The following HNRNPUL1 variants were observed in gnomAD, a reference collection of about 807,000 sequenced individuals.
HNRNPUL1 encodes heterogeneous nuclear ribonucleoprotein U like 1, also known as heterogeneous nuclear ribonucleoprotein U-like protein 1.
In HNRNPUL1, 14 loss-of-function variants were observed where a neutral mutation model predicts 108.5. The observed-to-expected ratio is 0.13, with a 90% CI of 0.09 to 0.20. The LOEUF (loss-of-function observed/expected upper bound fraction) is 0.20. Ranked by LOEUF, HNRNPUL1 falls within the 10% of genes least tolerant of loss-of-function variation. The probability of loss-of-function intolerance (pLI) is 1.00; values close to 1 mark genes in which losing one functional copy is unlikely to be tolerated. For synonymous variants in HNRNPUL1, 422 were observed against 445.2 expected (o/e 0.95, Z 0.66); for missense variants, 804 against 1,168.3 (o/e 0.69, Z 4.55).
rs966282143 is a variant in HNRNPUL1 at position 41,264,408 on chromosome 19, C to A, written c.-96C>A. 9 of 1,081,916 alleles carry A rather than the reference C, an allele frequency of 8.3e-6. No homozygotes were observed. Among genetic ancestry groups the A allele is most frequent in the African/African-American group, 3.3e-5 (2 of 60,942 alleles). 67.0% of individuals were successfully genotyped at this position (1,081,916 alleles called of 1,614,324 possible). A position where few individuals can be genotyped will look rare whatever the true frequency, so the allele number is the denominator to read the frequency against. On this transcript the variant is annotated 5_prime_UTR_variant, in exon 1 of 15. Coordinates refer to ENST00000392006, the MANE Select transcript of HNRNPUL1 (RefSeq NM_007040.6). ...CTGCCGCCATTGGAGTGGGCCCCCC[C>A]CCTTTCCCCCTTCGCCTCCTGACAG...
Position 41,304,148 on chromosome 19 carries a change from T to C in HNRNPUL1, c.2149T>C (p.Tyr717His). Reference protein sequence around the residue: ...PPQQPPPPPSYSPARNPPGAS... With the variant: ...PPQQPPPPPSHSPARNPPGAS... ...CCAGCAGCCACCGCCACCACCCAGC[T>C]ACAGCCCTGCTCGGAACCCCCCAGG... Residue 717 changes from tyrosine (Y) to histidine (H), a missense_variant, in exon 13 of 15, where the codon TAC becomes CAC. Physicochemically the swap from Tyr to His is moderately conservative, Grantham distance 83 (BLOSUM62 2). Around this residue, in one of 4 missense-constraint regions of HNRNPUL1, gnomAD observed 294 missense variants for 388.3 expected, o/e 0.76. Transcript: ENST00000392006. 1 of 1,614,034 alleles carries C rather than the reference T, an allele frequency of 6.2e-7. No homozygotes were observed. Among genetic ancestry groups the C allele is most frequent in the Non-Finnish European group, 8.5e-7 (1 of 1,179,998 alleles).
At chr19:41,301,349 A>G (rs2037199891) in intron 10 of HNRNPUL1, among the ~76,000 whole-genome samples, 187 bp from the exon 11 acceptor site, 1 of 152,188 alleles carries the variant, frequency 6.6e-6, no homozygotes, top group Non-Finnish European at 1.5e-5. Context: ...CCACTTACCT[A>G]AGTCAATTCA....
In HNRNPUL1 at chr19:41,292,405, C is replaced by T. The variant is rs1238487981; in HGVS notation, c.1160C>T (p.Ala387Val). The change falls in exon 8 of 15, where the codon GCA becomes GTA. Residue 387 changes from alanine to valine, a missense_variant. By Grantham distance (64) the Ala-to-Val change is moderately conservative. Transcript: ENST00000392006. This position sits in a 1 kb window ranked among gnomAD's most constrained non-coding sequence, Gnocchi z 4.1. Reference protein sequence around the residue: ...CAVEFNFGQRAEPYCSVLPGF... With the variant: ...CAVEFNFGQRVEPYCSVLPGF... ...GTGGAGTTCAACTTCGGACAGAGAG[C>T]AGAGCCCTACTGTTCTGTCCTCCCG... 1.2e-6 allele frequency: 2 copies of T among 1,614,078 alleles called. No homozygotes were observed. Among genetic ancestry groups the T allele is most frequent in the Non-Finnish European group, 1.7e-6 (2 of 1,180,040 alleles).
At chr19:41,305,892 T>G in intron 14 of HNRNPUL1, 25 bp downstream of exon 14, 1 of 1,468,724 alleles carries the variant, frequency 6.8e-7, no homozygotes, top group Non-Finnish European at 9.4e-7. Context: ...GGGGGCCAAC[T>G]GGATGGAGAG....
intron 13 of HNRNPUL1, among the ~76,000 whole-genome samples, chr19:41,305,215 T>G (rs926702421): frequency 2.0e-5 from 3 of 152,176 alleles, no homozygotes; most frequent in Non-Finnish European, 2.9e-5. Flanking sequence ...GATGTAATGA[T>G]CCAACCTGTA....
chr19:41,300,310 C>T (rs372862320), intron 10 of HNRNPUL1, among the ~76,000 whole-genome samples: 1 of 148,860 alleles, frequency 6.7e-6, no homozygotes, highest in African/African-American at 2.5e-5. Context: ...CAGGCCACAT[C>T]TTCAGAATAC....
In HNRNPUL1 at chr19:41,264,720, G is replaced by A; in HGVS notation, c.217G>A (p.Glu73Lys). Residue 73 changes from glutamate (E) to lysine (K), a missense_variant, in exon 1 of 15, where the codon GAG becomes AAG. By Grantham distance (56) the Glu-to-Lys change is moderately conservative. Transcript: ENST00000392006. ...CGAGACCGAGGGGGGCTCCGAGCTG[G>A]AGGGGACCGCGCAGCCACCGCCGCC... Reference protein sequence around the residue: ...EVETEGGSELEGTAQPPPPGL... With the variant: ...EVETEGGSELKGTAQPPPPGL... 6.8e-7 allele frequency: 1 copy of A among 1,467,226 alleles called. No homozygotes were observed. The highest frequency in any genetic ancestry group is 2.2e-4 in the Middle Eastern group (1 of 4,510). The allele number at this position is 1,467,226 out of a possible 1,614,324, so 90.9% of individuals were successfully genotyped here.
chr19:41,292,303 G>A lies in HNRNPUL1; in HGVS notation c.1058G>A (p.Gly353Asp). The change falls in exon 8 of 15, where the codon GGC becomes GAC. Residue 353 changes from glycine (G) to aspartate (D), a missense_variant. Gly to Asp is a moderately conservative substitution (Grantham distance 94). Transcript: ENST00000392006. The surrounding 1 kb of genome is among the most constrained non-coding windows in gnomAD (Gnocchi z 4.1). ...LSFTKNGKWM[G>D]IAFRIQKEAL... ...TTTACCAAGAATGGAAAGTGGATGG[G>A]CATTGCTTTCCGAATCCAGAAGGAA... 1 of 1,614,140 alleles carries A rather than the reference G, an allele frequency of 6.2e-7. No homozygotes were observed. Among genetic ancestry groups the A allele is most frequent in the Non-Finnish European group, 8.5e-7 (1 of 1,179,980 alleles).
intron 7 of HNRNPUL1, among the ~76,000 whole-genome samples, chr19:41,288,850 A>G (rs1184225222): frequency 6.6e-6 from 1 of 151,918 alleles, no homozygotes. Flanking sequence ...ATCTTTTTGT[A>G]GCCCCACATA....
intron 12 of HNRNPUL1, 130 bp from the exon 13 acceptor site, chr19:41,303,842 T>G: frequency 1.8e-6 from 2 of 1,127,750 alleles, no homozygotes; most frequent in Non-Finnish European, 2.5e-6. Context: ...AGGACATGCT[T>G]TGTTGTTCAC....
chr19:41,296,576 G>C (rs547691155), intron 10 of HNRNPUL1, among the ~76,000 whole-genome samples: 2 of 152,356 alleles, frequency 1.3e-5, no homozygotes, highest in South Asian at 4.1e-4. Context: ...GGTTTCACCT[G>C]TTTTGGCCTA....
At chr19:41,262,616 T>G (rs2034577477), upstream of HNRNPUL1, 1 of 152,280 alleles carries the variant, frequency 6.6e-6, no homozygotes, top group African/African-American at 2.4e-5. Flanking sequence ...GTGGGTGCTG[T>G]GTGTTTGGGT....
rs777002894 is a variant in HNRNPUL1, at chr19:41,302,800, G to A, written c.1823G>A (p.Arg608His). 7.5e-6 allele frequency: 12 copies of A among 1,609,758 alleles called. No homozygotes were observed. The highest frequency in any genetic ancestry group is 6.7e-5 in the East Asian group (3 of 44,798). ...GRKAGPPPEK[R>H]FDNRGGGGFR... ...AAGGCTGGGCCACCCCCTGAAAAGC[G>A]CTTTGACAACCGAGGTGGTGGTGGC... The change falls in exon 12 of 15, where the codon CGC (arginine) becomes CAC (histidine). Residue 608 changes from arginine (R) to histidine (H), a missense_variant. Around this residue, in one of 4 missense-constraint regions of HNRNPUL1, gnomAD observed 294 missense variants for 388.3 expected, o/e 0.76. Transcript: ENST00000392006.
chr19:41,289,612 G>A (rs1317188049), intron 7 of HNRNPUL1, among the ~76,000 whole-genome samples: 1 of 152,076 alleles, frequency 6.6e-6, no homozygotes, highest in Non-Finnish European at 1.5e-5. Context: ...TGGGTTGGTT[G>A]AGGGCGCCGG....
At chr19:41,291,994 C>CA (rs397965810) in intron 7 of HNRNPUL1, 27,426 of 231,996 alleles carry the variant, frequency 0.12, 203 homozygotes, top group Middle Eastern at 0.14. Context: ...AAAAAAAAAA[C>CA]AAAAAAAAAA....
chr19:41,267,258 T>C (rs760176137), intron 1 of HNRNPUL1, among the ~76,000 whole-genome samples: 1 of 152,074 alleles, frequency 6.6e-6, no homozygotes, highest in African/African-American at 2.4e-5. Flanking sequence ...AGGGATGTTT[T>C]AGAGAATGGA....
At chr19:41,303,263 T>C (rs1286705728) in intron 12 of HNRNPUL1, among the ~76,000 whole-genome samples, 1 of 152,052 alleles carries the variant, frequency 6.6e-6, no homozygotes, top group Non-Finnish European at 1.5e-5. Context: ...CAAAATCTAT[T>C]GGAAATGGGG....
chr19:41,272,374 C>T (rs1355329585), intron 3 of HNRNPUL1, 139 bp downstream of exon 3: 2 of 869,246 alleles, frequency 2.3e-6, no homozygotes, highest in Non-Finnish European at 3.5e-6. Flanking sequence ...CTGTCCCTTC[C>T]CGTACTTGCT....
chr19:41,304,720 A>G (rs1390239956), intron 13 of HNRNPUL1, among the ~76,000 whole-genome samples: 1 of 152,228 alleles, frequency 6.6e-6, no homozygotes. Context: ...AATCCTGAGC[A>G]GCTCCAGGCT....
Sources: gnomAD v4.1 joint callset for allele counts (sites outside exome capture counted in the v4.1 genomes callset) on GRCh38, gnomAD v4.1.1 for gene constraint, gnomAD v4.1.1 regional missense constraint, Gnocchi (gnomAD v3.1) non-coding constraint, MANE v1.5 for transcripts, NCBI Gene and HGNC (gene_info 2026-07-23, HGNC 2026-07-21) for gene names.